Variants in PHF21A observed in about 807,000 individuals in gnomAD.
PHF21A encodes the protein BHC80a.
PHF21A carries 11 observed loss-of-function variants against 82.5 expected under a neutral mutation model. That is an observed-to-expected ratio of 0.13 (90% CI 0.08 to 0.22). The LOEUF is 0.22. Among genes scored for constraint, PHF21A ranks in the 10% least tolerant of loss-of-function variants. The pLI, the probability that PHF21A is intolerant of heterozygous loss-of-function variation, is 1.00. For synonymous variants in PHF21A, 297 were observed against 302.8 expected (o/e 0.98, Z 0.20); for missense variants, 579 against 837.8 (o/e 0.69, Z 3.81).
intron 3 of PHF21A, among the ~76,000 whole-genome samples, chr11:46,085,485 G>A (rs1253515359): frequency 6.6e-6 from 1 of 152,024 alleles, no homozygotes; most frequent in African/African-American, 2.4e-5. Context: ...TCTTGAATGT[G>A]GCCTTAGACA....
chr11:46,013,503 A>G (rs142607836), intron 6 of PHF21A, among the ~76,000 whole-genome samples: 41 of 152,328 alleles, frequency 2.7e-4, no homozygotes, highest in African/African-American at 8.9e-4. Context: ...ACAGAAATGG[A>G]AACTGCAGGT....
At chr11:46,101,580 C>G (rs1341629809) in intron 1 of PHF21A, among the ~76,000 whole-genome samples, 1 of 152,150 alleles carries the variant, frequency 6.6e-6, no homozygotes, top group Non-Finnish European at 1.5e-5. Context: ...ATGTTTTTCT[C>G]TAAGTATAAT....
chr11:46,102,004 T>G (rs564163554), intron 1 of PHF21A, among the ~76,000 whole-genome samples: 6 of 152,244 alleles, frequency 3.9e-5, no homozygotes, highest in Non-Finnish European at 1.5e-5. Context: ...ATTACAGGCA[T>G]GTGCCACCAC....
intron 6 of PHF21A, among the ~76,000 whole-genome samples, chr11:46,072,297 T>C (rs185638613): frequency 3.9e-5 from 6 of 152,332 alleles, no homozygotes; most frequent in African/African-American, 1.4e-4. Context: ...CATGACTAAG[T>C]TCAGGCCCAT....
chr11:46,102,072 G>C (rs569991990), intron 1 of PHF21A, among the ~76,000 whole-genome samples: 14 of 152,092 alleles, frequency 9.2e-5, no homozygotes, highest in Non-Finnish European at 2.1e-4. Context: ...TGGCCAGGAT[G>C]GTCTCAAACT....
intron 6 of PHF21A, among the ~76,000 whole-genome samples, chr11:46,000,807 C>T (rs1347053896): frequency 1.3e-5 from 2 of 151,824 alleles, no homozygotes; most frequent in African/African-American, 2.4e-5. Context: ...GTAATCCCAG[C>T]TACTTGGGAG....
At chr11:45,941,787 T>A (rs1182725286) in intron 15 of PHF21A, among the ~76,000 whole-genome samples, 1 of 152,220 alleles carries the variant, frequency 6.6e-6, no homozygotes, top group Non-Finnish European at 1.5e-5. Context: ...GATGCTTTGC[T>A]AGGCGCTGAG....
At chr11:46,053,888 G>A (rs1157358142) in intron 6 of PHF21A, among the ~76,000 whole-genome samples, 1 of 152,134 alleles carries the variant, frequency 6.6e-6, no homozygotes, top group African/African-American at 2.4e-5. Flanking sequence ...TCTGCTGCAT[G>A]TGATGATTAC....
In PHF21A at chr11:45,934,027, G is replaced by A; in HGVS notation, c.1987C>T (p.Pro663Ser). The A allele has an allele frequency of 6.2e-7, 1 of 1,611,610 alleles. No individual in the cohort carries two copies. The highest frequency in any genetic ancestry group is 8.5e-7 in the Non-Finnish European group (1 of 1,178,776). The change falls in exon 19 of 19, where the codon CCT becomes TCT. Residue 663 changes from proline (P) to serine (S), a missense_variant. Coordinates refer to ENST00000676320, the MANE Select transcript of PHF21A (RefSeq NM_001352027.3). ...PANAATSTPA[P>S]SPSSQSCTAN... Reference sequence around the variant, plus strand: ...GTGCAGCTCTGGGAGGAGGGGGAAGGGGCCGGCGTGGAGGTGGCGGCATTG... The same window carrying A: ...GTGCAGCTCTGGGAGGAGGGGGAAGAGGCCGGCGTGGAGGTGGCGGCATTG...
intron 10 of PHF21A, among the ~76,000 whole-genome samples, chr11:45,958,821 A>C (rs2092897971): frequency 6.6e-6 from 1 of 151,710 alleles, no homozygotes; most frequent in Non-Finnish European, 1.5e-5. Context: ...GGGAGGCTGA[A>C]ATGGGAGGAT....
At chr11:45,973,432 A>G (rs2093873710) in intron 7 of PHF21A, among the ~76,000 whole-genome samples, 1 of 152,236 alleles carries the variant, frequency 6.6e-6, no homozygotes, top group African/African-American at 2.4e-5. Context: ...CCTTATGCGC[A>G]TATACACATA....
At chr11:45,995,264 G>T (rs2094865059) in intron 6 of PHF21A, among the ~76,000 whole-genome samples, 1 of 152,150 alleles carries the variant, frequency 6.6e-6, no homozygotes, top group African/African-American at 2.4e-5. Context: ...TCATAGGGGA[G>T]AAAGCACTTT....
At chr11:45,935,127 T>C (rs980020028) in intron 18 of PHF21A, 11 of 1,289,314 alleles carry the variant, frequency 8.5e-6, no homozygotes, top group Non-Finnish European at 1.0e-5. Flanking sequence ...TTACTTCCAA[T>C]ACTTGTCTCT....
intron 5 of PHF21A, 130 bp from the exon 6 acceptor site, chr11:46,076,949 T>C (rs1450404668): frequency 9.0e-6 from 6 of 670,312 alleles, no homozygotes; most frequent in Admixed American, 2.2e-5. Flanking sequence ...AAATCTGTCA[T>C]GCATTACACT....
chr11:45,937,896 C>T (rs143945395), intron 16 of PHF21A, among the ~76,000 whole-genome samples: 2 of 152,324 alleles, frequency 1.3e-5, no homozygotes, highest in African/African-American at 2.4e-5. Context: ...GCACACTGGA[C>T]TTTAAAGGGT....
intron 4 of PHF21A, chr11:46,083,479 T>A (rs1592979507): frequency 6.6e-6 from 1 of 152,200 alleles, no homozygotes; most frequent in East Asian, 1.9e-4. Flanking sequence ...TACTTATCCT[T>A]CTCTCCGCTC....
chr11:45,935,369 T>A, intron 18 of PHF21A: 1 of 834,180 alleles, frequency 1.2e-6, no homozygotes, highest in Non-Finnish European at 1.8e-6. Flanking sequence ...AGCTGTTACT[T>A]ATTCAGCCTG....
intron 10 of PHF21A, among the ~76,000 whole-genome samples, chr11:45,960,603 C>G (rs1337342938): frequency 6.6e-6 from 1 of 152,044 alleles, no homozygotes; most frequent in Non-Finnish European, 1.5e-5. Flanking sequence ...TGTTGTGTAA[C>G]TTAACAGAAG....
At chr11:46,095,188 C>A (rs199860171) in intron 1 of PHF21A, among the ~76,000 whole-genome samples, 5 of 150,612 alleles carry the variant, frequency 3.3e-5, no homozygotes, top group Non-Finnish European at 3.0e-5. Context: ...TGGAAATTGT[C>A]AAAAAAAAAG....
Sources: allele counts gnomAD v4.1 joint callset (sites outside exome capture counted in the v4.1 genomes callset), GRCh38; gene constraint gnomAD v4.1.1; transcripts MANE v1.5; gene names NCBI Gene and HGNC (gene_info 2026-07-23, HGNC 2026-07-21).